Variants in MUC5B observed in about 807,000 individuals in gnomAD.
MUC5B encodes the protein mucin 5B, oligomeric mucus/gel-forming.
In MUC5B, 116 loss-of-function variants were observed where a neutral mutation model predicts 376.9. That is an observed-to-expected ratio of 0.31 (90% CI 0.26 to 0.36). The LOEUF (loss-of-function observed/expected upper bound fraction) is 0.36. Ranked by LOEUF, MUC5B falls within the 10% of genes least tolerant of loss-of-function variation. The pLI is 1.00. For synonymous variants in MUC5B, 3,517 were observed against 3,390.9 expected, an observed-to-expected ratio of 1.04 and a Z score of -1.29; for missense variants, 7,165 against 7,769.9, an observed-to-expected ratio of 0.92 and a Z score of 2.93.
chr11:1,240,368 C>T lies in MUC5B; in HGVS notation c.3963C>T (p.Ser1321=). Residue 1321 remains serine, a synonymous_variant, in exon 30 of 49, where the codon TCC becomes TCT. Transcript: ENST00000529681. ...FTFTTAWVPH[S]TTSPALPVST... is the part of the protein sequence containing the mutation. ...TCACCACCGCCTGGGTCCCCCACTC[C>T]ACGACAAGTAAGCCCTGCCTGGCTC... is the stretch of plus-strand genomic sequence containing the variant. 1.9e-6 allele frequency: 3 copies of T among 1,597,024 alleles called. No individual in the cohort carries two copies. The highest frequency in any genetic ancestry group is 2.6e-6 in the Non-Finnish European group (3 of 1,168,544).
Position 1,241,673 on chromosome 11 carries a change from G to C in MUC5B, c.4793G>C (p.Cys1598Ser), listed in dbSNP as rs1483491385. 2 of 1,612,400 alleles carry C rather than the reference G, an allele frequency of 1.2e-6. No individual in the cohort carries two copies. Among genetic ancestry groups the C allele is most frequent in the Non-Finnish European group, 1.7e-6 (2 of 1,179,648 alleles). ...CYNYRIRVLC[C>S]SDDHCRGRAT... The stretch of plus-strand genomic sequence containing the variant: ...AACTACAGGATCCGGGTCCTCTGCT[G>C]CAGTGACGACCACTGCAGGGGACGT... Residue 1598 changes from cysteine to serine, a missense_variant, in exon 31 of 49, where the codon TGC (cysteine) becomes TCC (serine). Cys to Ser is a moderately radical substitution (Grantham distance 112). Coordinates refer to ENST00000529681, the MANE Select transcript of MUC5B (RefSeq NM_002458.3).
In MUC5B at chr11:1,257,329, G is replaced by A. The variant is rs1862866073; in HGVS notation, c.16269+58G>A. 2.5e-6 allele frequency: 2 copies of A among 798,058 alleles called. No individual in the cohort carries two copies. Among genetic ancestry groups the A allele is most frequent in the South Asian group, 2.7e-5 (2 of 74,478 alleles). 49.4% of individuals were successfully genotyped at this position (798,058 alleles called of 1,614,324 possible). A position where few individuals can be genotyped will look rare whatever the true frequency, so the allele number is the denominator to read the frequency against. On this transcript the variant is annotated intron_variant, in intron 40 of 48. Coordinates refer to ENST00000529681, the MANE Select transcript of MUC5B (RefSeq NM_002458.3). The surrounding 1 kb of genome is among the most constrained non-coding windows in gnomAD (Gnocchi z 8.9). ...ACCCTCTCGCGAGCTGAGGGAGGGAGGGAAGGAGCATCCCCATCCCACAGG... is the reference window on the plus strand; with the variant it reads ...ACCCTCTCGCGAGCTGAGGGAGGGAAGGAAGGAGCATCCCCATCCCACAGG...
rs1862471542 is a variant in MUC5B, at chr11:1,246,446, C to T, written c.9566C>T (p.Thr3189Ile). 1 of 1,613,670 alleles carries T rather than the reference C, an allele frequency of 6.2e-7. No homozygotes were observed. The highest frequency in any genetic ancestry group is 8.5e-7 in the Non-Finnish European group (1 of 1,179,806). ...STATASSTRATAGTLKVLTST... is the reference protein window; with the variant it reads ...STATASSTRAIAGTLKVLTST... The stretch of plus-strand genomic sequence containing the variant: ...GCCACCGCCTCCTCCACCCGGGCAA[C>T]TGCTGGCACCCTCAAAGTGCTGACC... Residue 3189 changes from threonine to isoleucine, a missense_variant, in exon 31 of 49, where the codon ACT becomes ATT. Physicochemically the swap from Thr to Ile is moderately conservative, Grantham distance 89. Transcript: ENST00000529681.
At chr11:1,230,274 C>G (rs1590169583) in intron 11 of MUC5B, 131 bp downstream of exon 11, 1 of 1,340,592 alleles carries the variant, frequency 7.5e-7, no homozygotes, top group Admixed American at 2.3e-5. Context: ...GCCCTGGGTC[C>G]CCATGATGGT....
Position 1,241,197 on chromosome 11 carries a change from C to G in MUC5B, c.4317C>G (p.Gly1439=). The part of the protein sequence containing the change: ...YVPCGPSPAP[G]TSPQPSLSAS... The stretch of plus-strand genomic sequence containing the variant: ...CCTGTGGCCCCTCCCCGGCCCCAGG[C>G]ACCAGCCCTCAGCCCTCCCTCAGTG... Residue 1439 remains glycine (G), a synonymous_variant, in exon 31 of 49, where the codon GGC becomes GGG. Transcript: ENST00000529681. 6.3e-7 allele frequency: 1 copy of G among 1,594,138 alleles called. No homozygotes were observed. Among genetic ancestry groups the G allele is most frequent in the East Asian group, 2.3e-5 (1 of 43,506 alleles).
At chr11:1,254,937 G>A in intron 35 of MUC5B, 57 bp downstream of exon 35, 1 of 1,505,610 alleles carries the variant, frequency 6.6e-7, no homozygotes, top group Non-Finnish European at 9.0e-7. Context: ...TGACAACCCA[G>A]TGAGCATAGG....
Position 1,227,313 on chromosome 11 carries a change from G to C in MUC5B, c.582G>C (p.Glu194Asp). 6 of 1,612,550 alleles carry C rather than the reference G, an allele frequency of 3.7e-6. No homozygotes were observed. The highest frequency in any genetic ancestry group is 5.1e-6 in the Non-Finnish European group (6 of 1,179,642). Residue 194 changes from glutamate (E) to aspartate (D), a missense_variant, in exon 6 of 49, where the codon GAG becomes GAC. Glu to Asp is a conservative substitution (Grantham distance 45). Transcript: ENST00000529681. ...CTGCCCCTCCCCACTCTCAGCTGGA[G>C]CTGGATCCCAAATACGCCAACCAGA... Reference protein sequence around the residue: ...LWNGEDSALLELDPKYANQTC... With the variant: ...LWNGEDSALLDLDPKYANQTC...
intron 27 of MUC5B, 47 bp downstream of exon 27, chr11:1,239,613 C>T (rs373328125): frequency 3.8e-5 from 58 of 1,533,848 alleles, no homozygotes; most frequent in African/African-American, 2.2e-4. Flanking sequence ...CTTGGGTTCC[C>T]GAGTGTACGT....
chr11:1,225,382 A>G (rs1194416246), intron 1 of MUC5B, among the ~76,000 whole-genome samples: 1 of 152,242 alleles, frequency 6.6e-6, no homozygotes, highest in African/African-American at 2.4e-5. Context: ...GGGACAGGGC[A>G]GGCCGTGCTG....
chr11:1,260,444 C>T, intron 47 of MUC5B, 51 bp downstream of exon 47: 1 of 1,600,838 alleles, frequency 6.2e-7, no homozygotes, highest in Non-Finnish European at 8.6e-7. Flanking sequence ...AGCCCGTCGC[C>T]ACCCATCCAT....
chr11:1,248,018 C>T lies in MUC5B; in HGVS notation c.11138C>T (p.Ser3713Phe). The part of the protein sequence containing the change: ...TESTGSTATP[S>F]STPGTTWILT... ...TCCACTGGATCCACGGCCACCCCGT[C>T]CTCCACCCCAGGGACCACCTGGATC... The change falls in exon 31 of 49, where the codon TCC becomes TTC. Residue 3713 changes from serine (S) to phenylalanine (F), a missense_variant. Transcript: ENST00000529681. 1 of 1,608,806 alleles carries T rather than the reference C, an allele frequency of 6.2e-7. No individual in the cohort carries two copies. The highest frequency in any genetic ancestry group is 1.1e-5 in the South Asian group (1 of 90,904).
In MUC5B at chr11:1,243,083, G is replaced by A; in HGVS notation, c.6203G>A (p.Gly2068Glu). 6.2e-7 allele frequency: 1 copy of A among 1,611,310 alleles called. No homozygotes were observed. Among genetic ancestry groups the A allele is most frequent in the Non-Finnish European group, 8.5e-7 (1 of 1,178,906 alleles). ...GFTATPSSSPGTALTPPVWIS... is the reference protein window; with the variant it reads ...GFTATPSSSPETALTPPVWIS... ...ACAGCCACCCCCTCCTCCAGCCCAG[G>A]GACGGCACTCACGCCTCCAGTGTGG... Residue 2068 changes from glycine (G) to glutamate (E), a missense_variant, in exon 31 of 49, where the codon GGG (glycine) becomes GAG (glutamate). Gly to Glu is a moderately conservative substitution (Grantham distance 98). Transcript: ENST00000529681.
intron 1 of MUC5B, among the ~76,000 whole-genome samples, chr11:1,223,588 C>A (rs912000272): frequency 1.2e-4 from 19 of 152,172 alleles, no homozygotes; most frequent in African/African-American, 4.3e-4. Flanking sequence ...TTAGCGTGGA[C>A]CCCTGTCCAG....
rs1862108313 is a variant in MUC5B at position 1,234,343 on chromosome 11, G to A, written c.2478+38G>A. The A allele has an allele frequency of 6.5e-7, 1 of 1,540,538 alleles. No homozygotes were observed. The highest frequency in any genetic ancestry group is 8.8e-7 in the Non-Finnish European group (1 of 1,130,570). ...CTTCAGGGAGGGGTGGGCAGGGAAG[G>A]GGTCCCAGCTTTCCCAGCTCCCGAG... On this transcript the variant is annotated intron_variant, in intron 20 of 48. Coordinates refer to ENST00000529681, the MANE Select transcript of MUC5B (RefSeq NM_002458.3). This position sits in a 1 kb window ranked among gnomAD's most constrained non-coding sequence, Gnocchi z 6.3.
chr11:1,239,109 T>C (rs1272196289), intron 26 of MUC5B, 82 bp downstream of exon 26: 3 of 1,499,214 alleles, frequency 2.0e-6, no homozygotes, highest in Non-Finnish European at 2.7e-6. Flanking sequence ...GAAGGTGCAT[T>C]GACCTGGGCC....
chr11:1,249,456 A>G lies in MUC5B; in HGVS notation c.12576A>G (p.Glu4192=), dbSNP rs759453938. The G allele has an allele frequency of 1.1e-5, 18 of 1,611,324 alleles. No individual in the cohort carries two copies. The South Asian group carries it at 1.3e-4, about 12-fold the overall frequency. ...VPLGELGQVV[E]CSLDFGLVCR... The stretch of plus-strand genomic sequence containing the variant: ...TGGGGGAGTTGGGCCAGGTCGTGGA[A>G]TGCAGCCTGGACTTTGGCCTGGTCT... The change falls in exon 31 of 49, where the codon GAA becomes GAG. Residue 4192 remains glutamate (E), a synonymous_variant. Transcript: ENST00000529681.
In MUC5B at chr11:1,251,751, C is replaced by A; in HGVS notation, c.14863+8C>A. The A allele has an allele frequency of 1.3e-6, 2 of 1,555,382 alleles. No individual in the cohort carries two copies. The highest frequency in any genetic ancestry group is 1.8e-6 in the Non-Finnish European group (2 of 1,136,166). On this transcript the variant is annotated splice_region_variant and intron_variant, in intron 31 of 48. Transcript: ENST00000529681. ...GACAGTTTTTCTCGCCCGGTGAGTG[C>A]ATGTGGATAACACTGCTGTACCCTT... is the stretch of plus-strand genomic sequence containing the variant.
chr11:1,244,825 C>G lies in MUC5B; in HGVS notation c.7945C>G (p.Pro2649Ala). 9 of 1,613,714 alleles carry G rather than the reference C, an allele frequency of 5.6e-6. No individual in the cohort carries two copies. Among genetic ancestry groups the G allele is most frequent in the Non-Finnish European group, 7.6e-6 (9 of 1,179,772 alleles). Reference sequence around the variant, plus strand: ...CACAACCAGAGGTTCCACGGTGACCCCCTCCTCCATCCCGGGGACCACCCA... The same window carrying G: ...CACAACCAGAGGTTCCACGGTGACCGCCTCCTCCATCCCGGGGACCACCCA... ...TPTTRGSTVTPSSIPGTTHTP... is the reference protein window; with the variant it reads ...TPTTRGSTVTASSIPGTTHTP... Residue 2649 changes from proline (P) to alanine (A), a missense_variant, in exon 31 of 49, where the codon CCC (proline) becomes GCC (alanine). Transcript: ENST00000529681.
intron 25 of MUC5B, among the ~76,000 whole-genome samples, chr11:1,238,584 A>ATGGGCAGGTGCATAGG (rs915265548): frequency 6.6e-6 from 1 of 152,174 alleles, no homozygotes; most frequent in Non-Finnish European, 1.5e-5. Flanking sequence ...AGGCAGGCAG[A>ATGGGCAGGTGCATAGG]TGGGCAGGTG....
Sources: gnomAD v4.1 joint callset for allele counts (sites outside exome capture counted in the v4.1 genomes callset) on GRCh38, gnomAD v4.1.1 for gene constraint, Gnocchi (gnomAD v3.1) non-coding constraint, MANE v1.5 for transcripts, NCBI Gene and HGNC (gene_info 2026-07-23, HGNC 2026-07-21) for gene names.